CNTNAP2: variants seen among roughly 807,000 people sequenced by gnomAD.
CNTNAP2 encodes the protein contactin associated protein 2.
A neutral mutation model predicts 155.2 loss-of-function variants in CNTNAP2; 98 were observed. That is an observed-to-expected ratio of 0.63 (90% CI 0.54 to 0.75). CNTNAP2 has a LOEUF of 0.75. CNTNAP2 is among the 30% of genes least tolerant of loss of function. The pLI is 0.00. For synonymous variants in CNTNAP2, 651 were observed against 631.2 expected (o/e 1.03, Z -0.47); for missense variants, 1,727 against 1,688.1 (o/e 1.02, Z -0.40).
At chr7:148,139,252 C>T (rs998858923) in intron 16 of CNTNAP2, among the ~76,000 whole-genome samples, 16 of 152,208 alleles carry the variant, frequency 1.1e-4, no homozygotes, top group African/African-American at 2.9e-4. Flanking sequence ...ATGTGTTTAA[C>T]ACCAAGTTTT....
At chr7:147,033,121 A>G (rs1031399345) in intron 3 of CNTNAP2, among the ~76,000 whole-genome samples, 3 of 141,842 alleles carry the variant, frequency 2.1e-5, no homozygotes, top group Non-Finnish European at 4.6e-5. Context: ...GGTAAAGAGC[A>G]GTAGGGTCTA....
chr7:146,757,667 C>A (rs1234749820), intron 1 of CNTNAP2, among the ~76,000 whole-genome samples: 1 of 152,126 alleles, frequency 6.6e-6, no homozygotes, highest in Non-Finnish European at 1.5e-5. Context: ...CTTAAGTTTT[C>A]TAAATTCAGG....
chr7:147,407,453 G>A (rs1333126817), intron 10 of CNTNAP2, among the ~76,000 whole-genome samples: 3 of 113,932 alleles, frequency 2.6e-5, no homozygotes, highest in Non-Finnish European at 4.9e-5. Context: ...GGGCAACAGA[G>A]CGAGACTCCC....
chr7:148,301,311 A>ATG (rs1264368557), intron 21 of CNTNAP2, among the ~76,000 whole-genome samples: 1 of 140,626 alleles, frequency 7.1e-6, no homozygotes, highest in East Asian at 2.0e-4. Flanking sequence ...AAAAAAATAT[A>ATG]TATATATATA....
In CNTNAP2 at chr7:146,463,504, G is replaced by T. The variant is rs914586312; in HGVS notation, c.98-310767G>T. ...CGTGTCAGGAACATTGTTCTTAAAT[G>T]TGATTGTGACAAAGCAACTAGATAT... On this transcript the variant is annotated intron_variant, in intron 1 of 23. Coordinates refer to ENST00000361727, the MANE Select transcript of CNTNAP2 (RefSeq NM_014141.6). Among the ~76,000 whole-genome samples, 5 of 151,886 alleles carry T rather than the reference G, an allele frequency of 3.3e-5. 1 individual carries two copies. Among genetic ancestry groups the T allele is most frequent in the Non-Finnish European group, 7.4e-5 (5 of 67,982 alleles).
Position 148,415,627 on chromosome 7 carries a change from C to T in CNTNAP2, c.*11C>T, listed in dbSNP as rs760437161. ...GAATGGCTCATTTGAGGGGTGGCTA[C>T]TTGGCTATGGGATAGGGAGGAGGGA... is the stretch of plus-strand genomic sequence containing the variant. On this transcript the variant is annotated 3_prime_UTR_variant, in exon 24 of 24. Coordinates refer to ENST00000361727, the MANE Select transcript of CNTNAP2 (RefSeq NM_014141.6). 5.0e-6 allele frequency: 8 copies of T among 1,614,036 alleles called. No homozygotes were observed. The Middle Eastern group carries it at 4.9e-4, about 100-fold the overall frequency.
At chr7:146,317,924 G>A (rs1800936672) in intron 1 of CNTNAP2, among the ~76,000 whole-genome samples, 3 of 152,116 alleles carry the variant, frequency 2.0e-5, no homozygotes, top group South Asian at 2.1e-4. Flanking sequence ...GGCGGATCAC[G>A]AGGTCAGGAG....
intron 13 of CNTNAP2, among the ~76,000 whole-genome samples, chr7:147,817,264 G>A (rs1584971263): frequency 1.3e-5 from 2 of 152,136 alleles, no homozygotes; most frequent in African/African-American, 2.4e-5. Context: ...ATCTTAATTC[G>A]AGCATATCAA....
At position 146,990,629 on chromosome 7, in the gene CNTNAP2, A is replaced by G. The variant is rs1281719877; in HGVS notation, c.403-53278A>G. Among the ~76,000 whole-genome samples the G allele has an allele frequency of 2.0e-5, 3 of 151,922 alleles. No homozygotes were observed. In the South Asian group the frequency reaches 6.2e-4, roughly 31 times the overall value. Reference sequence around the variant, plus strand: ...AAGAAAACCTTGTTCATAATTAAACATTTCTTACCTCAGGCTTGGTTTCAG... The same window carrying G: ...AAGAAAACCTTGTTCATAATTAAACGTTTCTTACCTCAGGCTTGGTTTCAG... On this transcript the variant is annotated intron_variant, in intron 3 of 23. Transcript: ENST00000361727.
At chr7:146,560,505 T>C (rs1798264825) in intron 1 of CNTNAP2, among the ~76,000 whole-genome samples, 2 of 152,070 alleles carry the variant, frequency 1.3e-5, no homozygotes, top group African/African-American at 4.8e-5. Flanking sequence ...TAAGAGTTTC[T>C]TATAAGCATT....
rs144384222 is a variant in CNTNAP2 at position 146,791,493 on chromosome 7, G to C, written c.208+17112G>C. 2.6e-5 allele frequency among the ~76,000 whole-genome samples: 4 copies of C among 152,234 alleles called. No individual in the cohort carries two copies. The East Asian group carries it at 7.7e-4, about 29-fold the overall frequency. ...TTGTGGTTCCAAGTGAGAAGTTTAG[G>C]TAGACAGACCCAGAGATGCCAATCA... On this transcript the variant is annotated intron_variant, in intron 2 of 23. Coordinates refer to ENST00000361727, the MANE Select transcript of CNTNAP2 (RefSeq NM_014141.6).
At chr7:147,181,808 T>A (rs924393532) in intron 8 of CNTNAP2, among the ~76,000 whole-genome samples, 1 of 152,164 alleles carries the variant, frequency 6.6e-6, no homozygotes, top group Admixed American at 6.5e-5. Flanking sequence ...CTTCTTTTTT[T>A]AATTACTGAA....
chr7:148,267,182 T>A, intron 21 of CNTNAP2, 56 bp downstream of exon 21: 1 of 1,451,798 alleles, frequency 6.9e-7, no homozygotes, highest in Non-Finnish European at 9.7e-7. Flanking sequence ...TTGGGTAATG[T>A]GAGTTTGGAT....
chr7:147,007,408 C>G (rs1159630203), intron 3 of CNTNAP2, among the ~76,000 whole-genome samples: 7 of 152,044 alleles, frequency 4.6e-5, no homozygotes, highest in Admixed American at 4.6e-4. Flanking sequence ...GTCTATCTAC[C>G]TGTCTATCTA....
At chr7:147,638,886 G>C in intron 12 of CNTNAP2, 1 of 638,442 alleles carries the variant, frequency 1.6e-6, no homozygotes, top group East Asian at 2.9e-5. Context: ...GAGGTATCTT[G>C]CATTTGTTTT....
chr7:146,660,261 T>C lies in CNTNAP2; in HGVS notation c.98-114010T>C, dbSNP rs75145838. The stretch of plus-strand genomic sequence containing the variant: ...TCGATGATATCTAGTTTATCCACCA[T>C]TGAATCCCTTATAAAACAGACCAGT... On this transcript the variant is annotated intron_variant, in intron 1 of 23. Coordinates refer to ENST00000361727, the MANE Select transcript of CNTNAP2 (RefSeq NM_014141.6). Among the ~76,000 whole-genome samples the C allele has an allele frequency of 5.3e-5, 8 of 152,274 alleles. No homozygotes were observed. The East Asian group carries it at 1.2e-3, about 22-fold the overall frequency.
intron 4 of CNTNAP2, among the ~76,000 whole-genome samples, chr7:147,065,899 G>A (rs527324171): frequency 6.6e-6 from 1 of 151,990 alleles, no homozygotes; most frequent in Non-Finnish European, 1.5e-5. Flanking sequence ...GTTTTAATTA[G>A]GAAAATTAAG....
chr7:147,518,310 T>A (rs1376317981), intron 11 of CNTNAP2, among the ~76,000 whole-genome samples: 1 of 151,348 alleles, frequency 6.6e-6, no homozygotes, highest in Non-Finnish European at 1.5e-5. Flanking sequence ...AAAAATTAAG[T>A]AGAAAAAAAA....
rs543655888 is a variant in CNTNAP2, at chr7:147,990,390, G to A, written c.2383+12401G>A. ...AAGAGCACTCTCTCTTACAGACTAA[G>A]AGTATTTAAGGGTTTTAGGGTGAGA... On this transcript the variant is annotated intron_variant, in intron 15 of 23. Coordinates refer to ENST00000361727, the MANE Select transcript of CNTNAP2 (RefSeq NM_014141.6). 1.4e-4 allele frequency among the ~76,000 whole-genome samples: 21 copies of A among 152,296 alleles called. No individual in the cohort carries two copies. The South Asian group carries it at 4.4e-3, about 32-fold the overall frequency.
Sources: allele counts gnomAD v4.1 joint callset (sites outside exome capture counted in the v4.1 genomes callset), GRCh38; gene constraint gnomAD v4.1.1; transcripts MANE v1.5; gene names NCBI Gene and HGNC (gene_info 2026-07-23, HGNC 2026-07-21).